Variants in CELF4 observed in about 807,000 individuals in gnomAD.
CELF4 encodes the protein CUGBP Elav-like family member 4.
Under a neutral mutation model 59.9 loss-of-function variants are expected in CELF4, and 18 were observed. That is an observed-to-expected ratio of 0.30 (90% confidence interval 0.21 to 0.45). The LOEUF is 0.45. Among genes scored for constraint, CELF4 ranks in the 20% least tolerant of loss-of-function variants. The pLI, the probability that CELF4 is intolerant of heterozygous loss-of-function variation, is 1.00. For synonymous variants in CELF4, 261 were observed against 267.1 expected (o/e 0.98, Z 0.22); for missense variants, 456 against 689.0 (o/e 0.66, Z 3.79).
intron 2 of CELF4, among the ~76,000 whole-genome samples, chr18:37,350,113 G>T (rs2098408102): frequency 6.6e-6 from 1 of 152,104 alleles, no homozygotes; most frequent in Non-Finnish European, 1.5e-5. Context: ...AGAATCCATA[G>T]AATTTTATGT....
chr18:37,285,069 A>AGGGCTTTGGTTGAGAGCCC (rs1401247798), intron 3 of CELF4, among the ~76,000 whole-genome samples: 1 of 152,192 alleles, frequency 6.6e-6, no homozygotes, highest in Non-Finnish European at 1.5e-5. Context: ...TTTGAGAGCT[A>AGGGCTTTGGTTGAGAGCCC]GGGCTTTGGT....
At chr18:37,513,073 T>C (rs574412226) in intron 1 of CELF4, among the ~76,000 whole-genome samples, 12 of 152,182 alleles carry the variant, frequency 7.9e-5, no homozygotes, top group Admixed American at 3.9e-4. Flanking sequence ...GTGCCTTCTC[T>C]AGAGGTTTGG....
chr18:37,482,243 C>T (rs1376781539), intron 2 of CELF4, among the ~76,000 whole-genome samples: 2 of 152,032 alleles, frequency 1.3e-5, no homozygotes, highest in Admixed American at 6.5e-5. Context: ...GAGAAACTGC[C>T]CCATGTTGAC....
intron 2 of CELF4, among the ~76,000 whole-genome samples, chr18:37,467,206 C>T (rs1046185278): frequency 3.9e-5 from 6 of 152,160 alleles, no homozygotes; most frequent in Non-Finnish European, 8.8e-5. Context: ...TGACATTCCA[C>T]ATCAGAGTGC....
At chr18:37,467,611 G>A (rs2154602412) in intron 2 of CELF4, among the ~76,000 whole-genome samples, 1 of 152,260 alleles carries the variant, frequency 6.6e-6, no homozygotes, top group South Asian at 2.1e-4. Flanking sequence ...AGAGAGCAAG[G>A]GAAGGAGAGT....
chr18:37,303,378 A>G (rs1314598669), intron 3 of CELF4, among the ~76,000 whole-genome samples: 2 of 152,166 alleles, frequency 1.3e-5, no homozygotes, highest in Non-Finnish European at 2.9e-5. Flanking sequence ...AAAAAGGAAA[A>G]CAGTCGTTGA....
chr18:37,554,124 A>T (rs922463982), intron 1 of CELF4, among the ~76,000 whole-genome samples: 1 of 151,782 alleles, frequency 6.6e-6, no homozygotes. Flanking sequence ...CAGAACCCAC[A>T]CTCCCCATAT....
At chr18:37,379,432 A>G (rs1159419132) in intron 2 of CELF4, among the ~76,000 whole-genome samples, 1 of 125,098 alleles carries the variant, frequency 8.0e-6, no homozygotes, top group Non-Finnish European at 1.6e-5. Context: ...TGTAGGCTGG[A>G]GTTTACTGCA....
intron 2 of CELF4, among the ~76,000 whole-genome samples, chr18:37,438,484 G>T (rs571336372): frequency 2.0e-5 from 3 of 152,142 alleles, no homozygotes; most frequent in Admixed American, 2.0e-4. Context: ...ACCCAGGGTT[G>T]GTAGCAGGAG....
At chr18:37,327,434 T>C (rs1005839050) in intron 2 of CELF4, among the ~76,000 whole-genome samples, 1 of 152,136 alleles carries the variant, frequency 6.6e-6, no homozygotes, top group African/African-American at 2.4e-5. Context: ...TTACTAGGAC[T>C]CCCCGAGGCT....
chr18:37,283,693 T>C (rs989038485), intron 3 of CELF4, among the ~76,000 whole-genome samples: 1 of 151,824 alleles, frequency 6.6e-6, no homozygotes, highest in Admixed American at 6.6e-5. Flanking sequence ...TCCCTGGAGA[T>C]GAGTAGGCAC....
At chr18:37,448,894 C>T (rs1009439194) in intron 2 of CELF4, among the ~76,000 whole-genome samples, 5 of 152,362 alleles carry the variant, frequency 3.3e-5, no homozygotes, top group South Asian at 4.1e-4. Context: ...TGGGCCCACA[C>T]GCCACAGCCA....
intron 3 of CELF4, among the ~76,000 whole-genome samples, chr18:37,286,548 A>G (rs968393518): frequency 1.7e-4 from 26 of 152,014 alleles, no homozygotes; most frequent in African/African-American, 5.8e-4. Flanking sequence ...GGCCGTGCAA[A>G]CCCCCTGCCC....
At chr18:37,461,976 T>C (rs1569569498) in intron 2 of CELF4, among the ~76,000 whole-genome samples, 1 of 152,128 alleles carries the variant, frequency 6.6e-6, no homozygotes, top group Non-Finnish European at 1.5e-5. Context: ...AGTGGTACTG[T>C]TGAAAGAGCT....
At chr18:37,551,245 T>C (rs1216539977) in intron 1 of CELF4, among the ~76,000 whole-genome samples, 1 of 152,108 alleles carries the variant, frequency 6.6e-6, no homozygotes, top group Non-Finnish European at 1.5e-5. Flanking sequence ...GCCAGGATTG[T>C]GGTCTGTGGA....
chr18:37,371,726 G>T (rs529135384), intron 2 of CELF4, among the ~76,000 whole-genome samples: 1 of 152,318 alleles, frequency 6.6e-6, no homozygotes, highest in South Asian at 2.1e-4. Context: ...CACAGGGCTG[G>T]CCCAGGATGG....
intron 1 of CELF4, among the ~76,000 whole-genome samples, chr18:37,521,868 A>T (rs7231760): frequency 0.89 from 135,499 of 152,260 alleles, 60,756 homozygotes; most frequent in East Asian, 0.97. Flanking sequence ...ATCTCATGCA[A>T]CTTCTGAGTA....
At chr18:37,561,073 C>T (rs1007581033) in intron 1 of CELF4, among the ~76,000 whole-genome samples, 2 of 152,208 alleles carry the variant, frequency 1.3e-5, no homozygotes, top group Admixed American at 1.3e-4. Flanking sequence ...ATGATACACT[C>T]TCTGGAGCTA....
chr18:37,440,955 C>T lies in CELF4; in HGVS notation c.369+44570G>A, dbSNP rs937704050. Among the ~76,000 whole-genome samples, 12 of 152,216 alleles carry T rather than the reference C, an allele frequency of 7.9e-5. No homozygotes were observed. The East Asian group carries it at 1.7e-3, about 22-fold the overall frequency. ...GGATTGGATGGACTTAAAGATGATC[C>T]GTAAAGTGGTGCAAGGAATGTGAAT... On this transcript the variant is annotated intron_variant, in intron 2 of 12. Transcript: ENST00000420428.
Sources: gnomAD v4.1 joint callset for allele counts (sites outside exome capture counted in the v4.1 genomes callset) on GRCh38, gnomAD v4.1.1 for gene constraint, MANE v1.5 for transcripts, NCBI Gene and HGNC (gene_info 2026-07-23, HGNC 2026-07-21) for gene names.